PLA2G4B: variants seen among roughly 807,000 people sequenced by gnomAD.
PLA2G4B encodes phospholipase A2 group IVB.
PLA2G4B carries 122 observed loss-of-function variants against 95.8 expected under a neutral mutation model. The observed-to-expected ratio is 1.27, with a 90% CI of 1.10 to 1.48. The LOEUF is 1.48. Ranked by LOEUF, PLA2G4B falls within the 40% of genes most tolerant of loss-of-function variation. The pLI, the probability that PLA2G4B is intolerant of heterozygous loss-of-function variation, is 0.00. For missense variants in PLA2G4B, 1,158 were observed against 996.2 expected, an observed-to-expected ratio of 1.16 and a Z score of -2.19; for synonymous variants, 518 against 421.5, an observed-to-expected ratio of 1.23 and a Z score of -2.80.
rs373006370 is a variant in PLA2G4B, at chr15:41,847,689, G to A, written c.2175G>A (p.Val725=). ...CCGAGGAGGCGGCAGCTGGGGAGGT[G>A]AACCTGTCTTCATCGGACTCTCCCT... is the stretch of plus-strand genomic sequence containing the variant. ...RTPEEAAAGE[V]NLSSSDSPYH... Residue 725 remains valine (V), a synonymous_variant, in exon 20 of 20, where the codon GTG becomes GTA. Coordinates refer to ENST00000458483, the MANE Select transcript of PLA2G4B (RefSeq NM_001114633.2). 1.2e-6 allele frequency: 2 copies of A among 1,613,498 alleles called. No individual in the cohort carries two copies. The highest frequency in any genetic ancestry group is 1.3e-5 in the African/African-American group (1 of 74,916).
chr15:41,846,993 G>T (rs537428784), intron 18 of PLA2G4B, among the ~76,000 whole-genome samples, 158 bp downstream of exon 18: 7 of 152,152 alleles, frequency 4.6e-5, no homozygotes, highest in African/African-American at 1.4e-4. Flanking sequence ...ATTCTTTTCC[G>T]GAAGTTGGGA....
chr15:41,840,350 G>T, intron 2 of PLA2G4B, 120 bp downstream of exon 2: 1 of 1,572,472 alleles, frequency 6.4e-7, no homozygotes. Flanking sequence ...GCCTAGAGGA[G>T]GGAGCTGAGA....
intron 4 of PLA2G4B, 64 bp downstream of exon 4, chr15:41,840,969 TGCA>T: frequency 6.3e-7 from 1 of 1,589,146 alleles, no homozygotes; most frequent in African/African-American, 1.3e-5. Flanking sequence ...CGCGCACACA[TGCA>T]CACACACGCA....
In PLA2G4B at chr15:41,840,839, A is replaced by G. The variant is rs780485654; in HGVS notation, c.285A>G (p.Val95=). 6 of 1,614,024 alleles carry G rather than the reference A, an allele frequency of 3.7e-6. No homozygotes were observed. The highest frequency in any genetic ancestry group is 5.1e-6 in the Non-Finnish European group (6 of 1,179,960). ...LVTGDDPVLS[V]LFDAGTLRAG... ...CCGGAGATGACCCTGTGTTGTCAGT[A>G]CTGTTTGATGCGGGGACTCTGCGGG... Residue 95 remains valine (V), a synonymous_variant, in exon 4 of 20, where the codon GTA becomes GTG. Coordinates refer to ENST00000458483, the MANE Select transcript of PLA2G4B (RefSeq NM_001114633.2).
intron 10 of PLA2G4B, 135 bp downstream of exon 10, chr15:41,842,726 G>A (rs930833656): frequency 1.5e-5 from 21 of 1,360,274 alleles, no homozygotes; most frequent in Middle Eastern, 2.5e-4. Context: ...TCAGGCTTGC[G>A]CTCGAGGGGG....
rs747931147 is a variant in PLA2G4B, at chr15:41,844,511, G to A, written c.920G>A (p.Arg307Gln). The A allele has an allele frequency of 1.5e-5, 25 of 1,614,138 alleles. 2 individuals carry two copies. Among genetic ancestry groups the A allele is most frequent in the South Asian group, 1.5e-4 (14 of 91,080 alleles). Reference protein sequence around the residue: ...VAIMATGGGIRAMTSLYGQLA... With the variant: ...VAIMATGGGIQAMTSLYGQLA... ...ATTATGGCCACTGGTGGTGGGATCC[G>A]GGCAATGACTTCCCTGTATGGGCAG... The change falls in exon 12 of 20, where the codon CGG (arginine) becomes CAG (glutamine). Residue 307 changes from arginine (R) to glutamine (Q), a missense_variant. Physicochemically the swap from Arg to Gln is conservative, Grantham distance 43 (BLOSUM62 1). Transcript: ENST00000458483.
chr15:41,841,741 C>G (rs1595419867), intron 7 of PLA2G4B, 78 bp from the exon 8 acceptor site: 1 of 1,583,834 alleles, frequency 6.3e-7, no homozygotes, highest in East Asian at 2.3e-5. Context: ...GGGAGGTGCC[C>G]TCCAGGCCAC....
Position 41,847,636 on chromosome 15 carries a change from A to ACT in PLA2G4B, c.2135-7_2135-6dup. On this transcript the variant is annotated splice_polypyrimidine_tract_variant and intron_variant, in intron 19 of 19. Transcript: ENST00000458483. ...CAACGTGTTCCCCATGCCAGGCTGC[A>ACT]CTCTCTCCACAGGGGTCCGGCGGAC... 3 of 1,613,284 alleles carry ACT rather than the reference A, an allele frequency of 1.9e-6. No individual in the cohort carries two copies. Among genetic ancestry groups the ACT allele is most frequent in the Non-Finnish European group, 1.7e-6 (2 of 1,179,960 alleles).
At chr15:41,846,971 C>A in intron 18 of PLA2G4B, 136 bp downstream of exon 18, 3 of 1,225,436 alleles carry the variant, frequency 2.4e-6, no homozygotes, top group East Asian at 2.5e-5. Context: ...TAATTTGCCA[C>A]CAGAGGAGCT....
At chr15:41,840,981 C>T (rs1355805195) in intron 4 of PLA2G4B, 74 bp from the exon 5 acceptor site, 9 of 1,580,100 alleles carry the variant, frequency 5.7e-6, no homozygotes, top group South Asian at 1.2e-5. Context: ...CACACACACG[C>T]ATGTCTCTCA....
At position 41,845,203 on chromosome 15, in the gene PLA2G4B, C is replaced by G. The variant is rs962887341; in HGVS notation, c.1240C>G (p.Pro414Ala). 2 of 1,614,146 alleles carry G rather than the reference C, an allele frequency of 1.2e-6. No homozygotes were observed. The highest frequency in any genetic ancestry group is 1.7e-6 in the Non-Finnish European group (2 of 1,179,996). Residue 414 changes from proline to alanine, a missense_variant and splice_region_variant, in exon 14 of 20, where the codon CCC becomes GCC. Pro to Ala is a conservative substitution (Grantham distance 27, BLOSUM62 -1). Coordinates refer to ENST00000458483, the MANE Select transcript of PLA2G4B (RefSeq NM_001114633.2). ...TTAGGTTCTACGCATCTTTCCCCAG[C>G]CCCATGATCACAAGCTCTCAGATCA... ...LINEALLHDE[P>A]HDHKLSDQRE...
At position 41,846,289 on chromosome 15, in the gene PLA2G4B, T is replaced by G. The variant is rs1415566933; in HGVS notation, c.1687T>G (p.Trp563Gly). 1.2e-6 allele frequency: 2 copies of G among 1,614,058 alleles called. No individual in the cohort carries two copies. The highest frequency in any genetic ancestry group is 1.7e-5 in the Admixed American group (1 of 60,022). The change falls in exon 17 of 20, where the codon TGG (tryptophan) becomes GGG (glycine). Residue 563 changes from tryptophan to glycine, a missense_variant. Coordinates refer to ENST00000458483, the MANE Select transcript of PLA2G4B (RefSeq NM_001114633.2). ...TGAGTTTTTCACCGATCTTCTGACG[T>G]GGCGTCCACTGGCCCAGGCCACACA... ...IAEFFTDLLT[W>G]RPLAQATHNF...
intron 11 of PLA2G4B, 147 bp downstream of exon 11, chr15:41,843,958 G>T (rs1348339358): frequency 2.8e-6 from 4 of 1,412,886 alleles, no homozygotes; most frequent in African/African-American, 1.4e-5. Flanking sequence ...GTGTTAGCAG[G>T]GACTTGGTAC....
chr15:41,843,531 A>G (rs905392091), intron 10 of PLA2G4B, 145 bp from the exon 11 acceptor site: 27 of 1,440,168 alleles, frequency 1.9e-5, no homozygotes, highest in Middle Eastern at 3.8e-4. Context: ...CCCAGGTGTC[A>G]AACTTCAGTC....
Position 41,847,757 on chromosome 15 carries a change from A to C in PLA2G4B, c.2243A>C (p.Lys748Thr). The change falls in exon 20 of 20, where the codon AAG becomes ACG. Residue 748 changes from lysine (K) to threonine (T), a missense_variant. Coordinates refer to ENST00000458483, the MANE Select transcript of PLA2G4B (RefSeq NM_001114633.2). ...ACCTACAGCCAGGAGGACGTGGACAAGCTGCTGCACCTGACACATTACAAT... is the reference window on the plus strand; with the variant it reads ...ACCTACAGCCAGGAGGACGTGGACACGCTGCTGCACCTGACACATTACAAT... ...KVTYSQEDVDKLLHLTHYNVC... is the reference protein window; with the variant it reads ...KVTYSQEDVDTLLHLTHYNVC... The C allele has an allele frequency of 6.2e-7, 1 of 1,610,098 alleles. No individual in the cohort carries two copies. The highest frequency in any genetic ancestry group is 1.1e-5 in the South Asian group (1 of 91,078).
At chr15:41,842,030 TC>T in intron 8 of PLA2G4B, 81 bp downstream of exon 8, 6 of 1,563,202 alleles carry the variant, frequency 3.8e-6, no homozygotes, top group Non-Finnish European at 5.2e-6. Flanking sequence ...TGACCTCTGC[TC>T]CACCTGGCAG....
At chr15:41,845,572 G>C in intron 14 of PLA2G4B, 66 bp from the exon 15 acceptor site, 1 of 1,592,578 alleles carries the variant, frequency 6.3e-7, no homozygotes, top group Middle Eastern at 1.9e-4. Flanking sequence ...AAAACCCTGG[G>C]TCGGGGTGGG....
In PLA2G4B at chr15:41,846,008, C is replaced by T; in HGVS notation, c.1561C>T (p.Gln521Ter). The T allele has an allele frequency of 6.5e-7, 1 of 1,530,112 alleles. No individual in the cohort carries two copies. Among genetic ancestry groups the T allele is most frequent in the Non-Finnish European group, 8.8e-7 (1 of 1,139,208 alleles). 94.8% of individuals were successfully genotyped at this position (1,530,112 alleles called of 1,614,324 possible). Residue 521 changes from glutamine to a stop codon, truncating the protein, a stop_gained, in exon 16 of 20, where the codon CAG (glutamine) becomes TAG (stop). Transcript: ENST00000458483. LOFTEE classifies it high-confidence loss of function. ...DSLYWASEPSQFWDRWVRNQA... is the reference protein window; with the variant it reads ...DSLYWASEPS ...CTTATACTGGGCCTCAGAGCCCAGC[C>T]AGTTCTGGGACCGCTGGGTCAGGAA...
At chr15:41,842,344 G>A (rs2065448146) in intron 9 of PLA2G4B, 68 bp downstream of exon 9, 1 of 1,597,206 alleles carries the variant, frequency 6.3e-7, no homozygotes, top group Non-Finnish European at 8.5e-7. Context: ...CAAAGGGAGG[G>A]GCCTGCTTCC....
Sources: allele counts gnomAD v4.1 joint callset (sites outside exome capture counted in the v4.1 genomes callset), GRCh38; gene constraint gnomAD v4.1.1; transcripts MANE v1.5; gene names NCBI Gene and HGNC (gene_info 2026-07-23, HGNC 2026-07-21).